Variants in HPS3 observed in about 807,000 individuals in gnomAD.
HPS3 encodes the protein HPS3 biogenesis of lysosomal organelles complex 2 subunit 1, also known as BLOC-2 complex member HPS3.
A neutral mutation model predicts 110.9 loss-of-function variants in HPS3; 79 were observed. That is an observed-to-expected ratio of 0.71 (90% CI 0.59 to 0.86). The LOEUF is 0.86. Among genes scored for constraint, HPS3 ranks in the 40% least tolerant of loss-of-function variants. The probability of loss-of-function intolerance (pLI) is 0.00; values close to 1 mark genes in which losing one functional copy is unlikely to be tolerated. For missense variants in HPS3, 1,197 were observed against 1,206.2 expected (o/e 0.99, Z 0.11); for synonymous variants, 428 against 451.0 (o/e 0.95, Z 0.65).
chr3:149,129,807 G>C lies in HPS3; in HGVS notation c.84G>C (p.Gly28=). The C allele has an allele frequency of 6.2e-7, 1 of 1,607,374 alleles. No individual in the cohort carries two copies. The highest frequency in any genetic ancestry group is 1.3e-5 in the African/African-American group (1 of 74,994). The part of the protein sequence containing the change: ...CKLEPDRFCG[G]GRDALFVAAG... ...TGGAGCCGGACCGGTTCTGTGGCGG[G>C]GGGCGTGACGCGCTTTTCGTGGCGG... Residue 28 remains glycine (G), a synonymous_variant, in exon 1 of 17, where the codon GGG becomes GGC. Coordinates refer to ENST00000296051, the MANE Select transcript of HPS3 (RefSeq NM_032383.5).
At chr3:149,147,423 A>G (rs1722842259) in intron 5 of HPS3, among the ~76,000 whole-genome samples, 1 of 152,238 alleles carries the variant, frequency 6.6e-6, no homozygotes, top group Admixed American at 6.5e-5. Context: ...TCAGCAAGCA[A>G]GAGGAGAAAG....
At chr3:149,165,386 A>G (rs1478260452) in intron 14 of HPS3, among the ~76,000 whole-genome samples, 1 of 152,242 alleles carries the variant, frequency 6.6e-6, no homozygotes, top group African/African-American at 2.4e-5. Flanking sequence ...AATATTTTAA[A>G]AGGAAAATAT....
rs762504042 is a variant in HPS3 at position 149,140,397 on chromosome 3, T to C, written c.611T>C (p.Leu204Ser). Residue 204 changes from leucine to serine, a missense_variant, in exon 2 of 17, where the codon TTA (leucine) becomes TCA (serine). By Grantham distance (145) the Leu-to-Ser change is moderately radical. Transcript: ENST00000296051. The stretch of plus-strand genomic sequence containing the variant: ...GGATATGTTGCTGTCATGTCAGACT[T>C]AGAAGTCTTAATCGTAAAACTGGAG... Reference protein sequence around the residue: ...CVGYVAVMSDLEVLIVKLESG... With the variant: ...CVGYVAVMSDSEVLIVKLESG... 2.5e-6 allele frequency: 4 copies of C among 1,611,174 alleles called. No homozygotes were observed. The South Asian group carries it at 4.4e-5, about 18-fold the overall frequency.
At chr3:149,164,393 C>T (rs928723586) in intron 14 of HPS3, among the ~76,000 whole-genome samples, 3 of 152,092 alleles carry the variant, frequency 2.0e-5, no homozygotes, top group Non-Finnish European at 4.4e-5. Context: ...TTATCCAGCT[C>T]CTGAAAAGGA....
chr3:149,146,626 A>G (rs1416464387), intron 5 of HPS3, among the ~76,000 whole-genome samples: 1 of 152,232 alleles, frequency 6.6e-6, no homozygotes, highest in Non-Finnish European at 1.5e-5. Flanking sequence ...TCCAAACTGC[A>G]TAGAACCAAT....
At chr3:149,132,738 C>A (rs556407797) in intron 1 of HPS3, among the ~76,000 whole-genome samples, 1 of 152,290 alleles carries the variant, frequency 6.6e-6, no homozygotes, top group African/African-American at 2.4e-5. Flanking sequence ...TCTGATGGAT[C>A]TGGGCAAAAT....
chr3:149,168,442 T>A (rs1441607088), intron 16 of HPS3: 1 of 174,368 alleles, frequency 5.7e-6, no homozygotes, highest in Non-Finnish European at 1.2e-5. Flanking sequence ...AGTAGTTATT[T>A]GAATTTTCAT....
intron 5 of HPS3, among the ~76,000 whole-genome samples, chr3:149,150,294 T>A (rs561931593): frequency 1.4e-4 from 21 of 152,270 alleles, no homozygotes; most frequent in African/African-American, 4.6e-4. Flanking sequence ...GATCCATGGT[T>A]CCTAACTAGG....
At chr3:149,170,277 A>G (rs1377297264) in intron 16 of HPS3, among the ~76,000 whole-genome samples, 1 of 151,858 alleles carries the variant, frequency 6.6e-6, no homozygotes, top group African/African-American at 2.4e-5. Flanking sequence ...CTCTATAACA[A>G]CTCCACACTA....
intron 14 of HPS3, chr3:149,166,001 T>A (rs1433137054): frequency 4.4e-6 from 2 of 456,238 alleles, no homozygotes; most frequent in African/African-American, 4.0e-5. Flanking sequence ...TCACACTGAC[T>A]GTGATTGGGT....
Position 149,162,876 on chromosome 3 carries a change from C to T in HPS3, c.2479C>T (p.Leu827=), listed in dbSNP as rs773017257. The T allele has an allele frequency of 2.6e-5, 42 of 1,611,796 alleles. No homozygotes were observed. The South Asian group carries it at 4.6e-4, about 18-fold the overall frequency. The stretch of plus-strand genomic sequence containing the variant: ...CACACCATTGCGAACATCGGAGGAT[C>T]TGGTAAGATAATGGAATAATACCTT... ...DTTPLRTSED[L]INACSHYGLI... Residue 827 remains leucine, a splice_region_variant and synonymous_variant, in exon 13 of 17, where the codon CTG becomes TTG. Coordinates refer to ENST00000296051, the MANE Select transcript of HPS3 (RefSeq NM_032383.5).
In HPS3 at chr3:149,167,030, A is replaced by G; in HGVS notation, c.2590-4A>G. ...TTCATAACATTTCACTTTTCTGTTCATAGTCTCTTATATGTGGTCCTTCAT... is the reference window on the plus strand; with the variant it reads ...TTCATAACATTTCACTTTTCTGTTCGTAGTCTCTTATATGTGGTCCTTCAT... On this transcript the variant is annotated splice_region_variant and splice_polypyrimidine_tract_variant and intron_variant, in intron 14 of 16. Transcript: ENST00000296051. 6.2e-7 allele frequency: 1 copy of G among 1,607,746 alleles called. No individual in the cohort carries two copies. Among genetic ancestry groups the G allele is most frequent in the Non-Finnish European group, 8.5e-7 (1 of 1,174,580 alleles).
At chr3:149,154,540 T>A (rs1458124722) in intron 7 of HPS3, among the ~76,000 whole-genome samples, 1 of 152,230 alleles carries the variant, frequency 6.6e-6, no homozygotes, top group Non-Finnish European at 1.5e-5. Flanking sequence ...GTATAATTTT[T>A]TAAATGATGT....
chr3:149,142,005 C>T (rs1234333834), intron 4 of HPS3, among the ~76,000 whole-genome samples: 1 of 151,968 alleles, frequency 6.6e-6, no homozygotes, highest in African/African-American at 2.4e-5. Flanking sequence ...AATGCCCCAC[C>T]ACGCCCAGCT....
intron 5 of HPS3, among the ~76,000 whole-genome samples, chr3:149,148,757 T>G (rs1436772316): frequency 6.6e-6 from 1 of 151,974 alleles, no homozygotes; most frequent in Non-Finnish European, 1.5e-5. Context: ...TATGCCTTAT[T>G]TATTACAGAA....
Position 149,158,829 on chromosome 3 carries a change from G to A in HPS3, c.1855G>A (p.Asp619Asn), listed in dbSNP as rs748625015. 1 of 1,588,490 alleles carries A rather than the reference G, an allele frequency of 6.3e-7. No individual in the cohort carries two copies. Among genetic ancestry groups the A allele is most frequent in the Non-Finnish European group, 8.6e-7 (1 of 1,156,984 alleles). ...TAATCATTCACTTTATGAAAACCTG[G>A]ATGAAGAATTAAATGAAGTGATTAT... is the stretch of plus-strand genomic sequence containing the variant. ...YINHSLYENL[D>N]EELNEELAAK... is the part of the protein sequence containing the mutation. The change falls in exon 10 of 17, where the codon GAT (aspartate) becomes AAT (asparagine). Residue 619 changes from aspartate (D) to asparagine (N), a missense_variant. By Grantham distance (23) the Asp-to-Asn change is conservative. Transcript: ENST00000296051.
At chr3:149,138,015 G>A (rs1172568161) in intron 1 of HPS3, among the ~76,000 whole-genome samples, 1 of 151,496 alleles carries the variant, frequency 6.6e-6, no homozygotes, top group African/African-American at 2.4e-5. Flanking sequence ...TTATTTACTG[G>A]GGGAATTTTA....
chr3:149,151,203 A>ATTAT (rs1553753142), intron 6 of HPS3, among the ~76,000 whole-genome samples: 2,973 of 147,032 alleles, frequency 0.02, 63 homozygotes, highest in African/African-American at 0.053. Context: ...TATTATTATT[A>ATTAT]TTTTTTTTTC....
chr3:149,149,579 A>T (rs1303509146), intron 5 of HPS3, among the ~76,000 whole-genome samples: 1 of 152,196 alleles, frequency 6.6e-6, no homozygotes, highest in Non-Finnish European at 1.5e-5. Context: ...AACTGAAAAT[A>T]TCAGAATGCC....
Sources: allele counts gnomAD v4.1 joint callset (sites outside exome capture counted in the v4.1 genomes callset), GRCh38; gene constraint gnomAD v4.1.1; transcripts MANE v1.5; gene names NCBI Gene and HGNC (gene_info 2026-07-23, HGNC 2026-07-21).